Variants in RFC5 observed in about 807,000 individuals in gnomAD.
RFC5 encodes the protein replication factor C subunit 5, also known as A1 36 kDa subunit.
In RFC5, 26 loss-of-function variants were observed where a neutral mutation model predicts 44.3. The ratio of observed to expected loss-of-function variants is 0.59; its 90% CI spans 0.43 to 0.81. RFC5 has a LOEUF of 0.81. Ranked by LOEUF, RFC5 falls within the 40% of genes least tolerant of loss-of-function variation. The pLI, the probability that RFC5 is intolerant of heterozygous loss-of-function variation, is 0.00. For missense variants in RFC5, 328 were observed against 418.6 expected (o/e 0.78, Z 1.89); for synonymous variants, 155 against 155.2 (o/e 1.00, Z 0.01).
downstream of RFC5, chr12:118,036,565 A>G: frequency 3.9e-6 from 6 of 1,528,764 alleles, no homozygotes; most frequent in Admixed American, 2.0e-5. Flanking sequence ...TTAGGACTCA[A>G]ACGGAGGGAG....
intron 9 of RFC5, 126 bp from the exon 10 acceptor site, chr12:118,029,645 A>G (rs2031184265): frequency 1.3e-6 from 1 of 768,572 alleles, no homozygotes; most frequent in East Asian, 2.5e-5. Flanking sequence ...TCTGGTATCT[A>G]GTGAGCAGGC....
chr12:118,019,657 A>G lies in RFC5; in HGVS notation c.156A>G (p.Arg52=). The G allele has an allele frequency of 6.2e-7, 1 of 1,614,080 alleles. No individual in the cohort carries two copies. The highest frequency in any genetic ancestry group is 8.5e-7 in the Non-Finnish European group (1 of 1,179,960). ...STIQKFINED[R]LPHLLLYGPP... The stretch of plus-strand genomic sequence containing the variant: ...TTCAGAAGTTTATCAATGAAGACCG[A>G]CTGCCACACTTGCTTCTCTACGGTC... The change falls in exon 3 of 11, where the codon CGA becomes CGG. Residue 52 remains arginine, a synonymous_variant. Coordinates refer to ENST00000454402, the MANE Select transcript of RFC5 (RefSeq NM_007370.7). The surrounding 1 kb of genome is among the most constrained non-coding windows in gnomAD (Gnocchi z 4.2).
chr12:118,037,667 TAAA>T (rs752087366), downstream of RFC5, among the ~76,000 whole-genome samples: 3 of 123,556 alleles, frequency 2.4e-5, no homozygotes, highest in Admixed American at 8.4e-5. Flanking sequence ...AAACTCTGTC[TAAA>T]AAAAAAAAAA....
intron 10 of RFC5, 118 bp from the exon 11 acceptor site, chr12:118,031,064 C>G (rs560262890): frequency 8.0e-5 from 52 of 650,398 alleles, no homozygotes; most frequent in East Asian, 6.5e-4. Flanking sequence ...CACATTTGTT[C>G]TATCAATTCC....
intron 5 of RFC5, 21 bp from the exon 6 acceptor site, chr12:118,024,829 TG>T: frequency 6.3e-7 from 1 of 1,587,126 alleles, no homozygotes; most frequent in Non-Finnish European, 8.6e-7. Flanking sequence ...TGACATGAGG[TG>T]GTTTTATTTT....
At chr12:118,024,185 T>A (rs377724809) in intron 5 of RFC5, among the ~76,000 whole-genome samples, 15 of 151,554 alleles carry the variant, frequency 9.9e-5, no homozygotes, top group Admixed American at 2.0e-4. Context: ...ACTAAAAATA[T>A]AAAAAATTAG....
chr12:118,023,624 G>A (rs1054914370), intron 5 of RFC5, among the ~76,000 whole-genome samples: 1 of 152,068 alleles, frequency 6.6e-6, no homozygotes, highest in Non-Finnish European at 1.5e-5. Context: ...CCCCATGTGA[G>A]AACATTGGGT....
rs2030434198 is a variant in RFC5 at position 118,020,836 on chromosome 12, A to G, written c.268-70A>G. 20 of 955,620 alleles carry G rather than the reference A, an allele frequency of 2.1e-5. 1 individual carries two copies. In the Middle Eastern group the frequency reaches 6.3e-4, roughly 30 times the overall value. 59.2% of individuals were successfully genotyped at this position (955,620 alleles called of 1,614,324 possible). A position where few individuals can be genotyped will look rare whatever the true frequency, so the allele number is the denominator to read the frequency against. ...CTGAGCTGGACTGATGAGGAAATACACTAACACCAAGAACTCACAGATAGC... is the reference window on the plus strand; with the variant it reads ...CTGAGCTGGACTGATGAGGAAATACGCTAACACCAAGAACTCACAGATAGC... On this transcript the variant is annotated intron_variant, in intron 3 of 10. Coordinates refer to ENST00000454402, the MANE Select transcript of RFC5 (RefSeq NM_007370.7).
intron 1 of RFC5, chr12:118,017,675 A>T: frequency 3.8e-6 from 3 of 791,856 alleles, no homozygotes; most frequent in South Asian, 2.5e-5. Context: ...GTATTTACGT[A>T]TTTTTTTTTT....
At chr12:118,035,098 A>G, downstream of RFC5, 1 of 1,614,060 alleles carries the variant, frequency 6.2e-7, no homozygotes, top group Non-Finnish European at 8.5e-7. Context: ...AGGAGTCTGG[A>G]TGGGGAGAGA....
intron 1 of RFC5, among the ~76,000 whole-genome samples, chr12:118,018,287 T>C (rs2030239902): frequency 6.6e-6 from 1 of 152,174 alleles, no homozygotes; most frequent in African/African-American, 2.4e-5. Context: ...GCCCATCAGG[T>C]TGAGATTATA....
At chr12:118,038,415 A>G in the RFC5 span, 9 of 1,607,652 alleles carry the variant, frequency 5.6e-6, no homozygotes, top group African/African-American at 4.0e-5. Flanking sequence ...GCAAACAATG[A>G]GCCAGTCCTC....
intron 4 of RFC5, among the ~76,000 whole-genome samples, 187 bp from the exon 5 acceptor site, chr12:118,022,099 C>G (rs1476025884): frequency 6.6e-6 from 1 of 152,144 alleles, no homozygotes; most frequent in African/African-American, 2.4e-5. Context: ...CCATTCCCAC[C>G]AAGGGTTGAA....
At chr12:118,034,547 A>AACTC (rs1191165609), downstream of RFC5, 3 of 630,102 alleles carry the variant, frequency 4.8e-6, no homozygotes, top group African/African-American at 3.7e-5. Context: ...GGATTAGAAA[A>AACTC]ACTCAAGACA....
chr12:118,028,116 T>C, intron 9 of RFC5, 86 bp downstream of exon 9: 1 of 809,710 alleles, frequency 1.2e-6, no homozygotes, highest in Non-Finnish European at 2.1e-6. Context: ...GAGGCTTCAT[T>C]CTTGAAGCAA....
chr12:118,031,201 A>C lies in RFC5; in HGVS notation c.946A>C (p.Thr316Pro), dbSNP rs775552500. The C allele has an allele frequency of 6.2e-7, 1 of 1,613,660 alleles. No individual in the cohort carries two copies. The highest frequency in any genetic ancestry group is 8.5e-7 in the Non-Finnish European group (1 of 1,179,790). Reference protein sequence around the residue: ...ADIEYRLSVGTNEKIQLSSLI... With the variant: ...ADIEYRLSVGPNEKIQLSSLI... ...TGTTAGGTACAGGCTTTCTGTTGGCACCAACGAGAAGATCCAGCTGAGCTC... is the reference window on the plus strand; with the variant it reads ...TGTTAGGTACAGGCTTTCTGTTGGCCCCAACGAGAAGATCCAGCTGAGCTC... Residue 316 changes from threonine (T) to proline (P), a missense_variant, in exon 11 of 11, where the codon ACC becomes CCC. Thr to Pro is a conservative substitution (Grantham distance 38, BLOSUM62 -1). Transcript: ENST00000454402.
At chr12:118,022,526 G>A (rs5745826) in intron 5 of RFC5, among the ~76,000 whole-genome samples, 167 bp downstream of exon 5, 3,000 of 151,854 alleles carry the variant, frequency 0.02, 121 homozygotes, top group African/African-American at 0.069. Flanking sequence ...GTGCAGTGGC[G>A]CAATCTTGGC....
chr12:118,031,878 C>G lies in RFC5; in HGVS notation c.*600C>G, dbSNP rs2031341318. ...TTGATGTGTATGATAGGAAAAAAAC[C>G]TTAATTTTAAATATAATATAGAGCC... On this transcript the variant is annotated 3_prime_UTR_variant, in exon 11 of 11. Transcript: ENST00000454402. 1 of 152,066 alleles carries G rather than the reference C, an allele frequency of 6.6e-6. No individual in the cohort carries two copies. The highest frequency in any genetic ancestry group is 1.5e-5 in the Non-Finnish European group (1 of 68,024). 9.4% of individuals were successfully genotyped at this position (152,066 alleles called of 1,614,324 possible). A position where few individuals can be genotyped will look rare whatever the true frequency, so the allele number is the denominator to read the frequency against.
chr12:118,027,898 C>A, intron 8 of RFC5, 55 bp from the exon 9 acceptor site: 1 of 1,087,118 alleles, frequency 9.2e-7, no homozygotes, highest in Non-Finnish European at 1.4e-6. Context: ...ATTCAAAATT[C>A]TCTGCAGTAT....
Sources: gnomAD v4.1 joint callset for allele counts (sites outside exome capture counted in the v4.1 genomes callset) on GRCh38, gnomAD v4.1.1 for gene constraint, Gnocchi (gnomAD v3.1) non-coding constraint, MANE v1.5 for transcripts, NCBI Gene and HGNC (gene_info 2026-07-23, HGNC 2026-07-21) for gene names.